Variants in IFT52 observed in about 807,000 individuals in gnomAD.
IFT52 encodes intraflagellar transport protein 52 homolog.
In IFT52, 44 loss-of-function variants were observed where a neutral mutation model predicts 54.4. The observed-to-expected ratio is 0.81, with a 90% CI of 0.63 to 1.04. The LOEUF (loss-of-function observed/expected upper bound fraction) is 1.04, where lower values mean the gene tolerates loss of function less well. Among genes scored for constraint, IFT52 ranks in the 50% least tolerant of loss-of-function variants. The pLI is 0.00. For missense variants in IFT52, 452 were observed against 523.6 expected (o/e 0.86, Z 1.33); for synonymous variants, 181 against 185.3 (o/e 0.98, Z 0.19).
chr20:43,594,466 A>G (rs1981773244), intron 1 of IFT52, among the ~76,000 whole-genome samples: 1 of 152,182 alleles, frequency 6.6e-6, no homozygotes, highest in Non-Finnish European at 1.5e-5. Flanking sequence ...GGCAAGAGGC[A>G]GAAAGCAAAA....
At chr20:43,635,377 G>A (rs6031006) in intron 10 of IFT52, among the ~76,000 whole-genome samples, 116,445 of 151,734 alleles carry the variant, frequency 0.77, 44,932 homozygotes, top group East Asian at 0.8. Context: ...TGTAACCTCC[G>A]CCTCTTTGGT....
At chr20:43,635,586 T>G (rs1985474078) in intron 10 of IFT52, among the ~76,000 whole-genome samples, 1 of 152,202 alleles carries the variant, frequency 6.6e-6, no homozygotes. Flanking sequence ...GGTGAGCCAC[T>G]GCGCCCAGCC....
intron 10 of IFT52, among the ~76,000 whole-genome samples, chr20:43,634,960 G>A (rs1425919917): frequency 6.6e-6 from 1 of 152,030 alleles, no homozygotes; most frequent in African/African-American, 2.4e-5. Flanking sequence ...CACGAGGTCA[G>A]GAGTTCAAGA....
chr20:43,605,891 C>A (rs1344164128), intron 6 of IFT52, among the ~76,000 whole-genome samples: 2 of 152,108 alleles, frequency 1.3e-5, no homozygotes, highest in Non-Finnish European at 2.9e-5. Context: ...TATTCTAGAG[C>A]CTGCACTCTT....
intron 12 of IFT52, among the ~76,000 whole-genome samples, chr20:43,641,077 A>G (rs1398950685): frequency 2.0e-5 from 3 of 151,432 alleles, no homozygotes; most frequent in Non-Finnish European, 4.4e-5. Flanking sequence ...TTACAGTATA[A>G]TGTGAGAAGG....
At chr20:43,608,186 G>A (rs1983127634) in intron 6 of IFT52, among the ~76,000 whole-genome samples, 1 of 152,120 alleles carries the variant, frequency 6.6e-6, no homozygotes. Context: ...GAGAGGGAGA[G>A]GGAGTGGGAG....
intron 9 of IFT52, among the ~76,000 whole-genome samples, chr20:43,622,712 T>TTTTTATGTAAATATAAATATATACATA (rs1984405715): frequency 7.0e-6 from 1 of 142,364 alleles, no homozygotes; most frequent in African/African-American, 2.7e-5. Flanking sequence ...TATATACATA[T>TTTTTATGTAAATATAAATATATACATA]TTTTATGTAA....
chr20:43,609,775 CAAAAAAAAA>C (rs57268776), intron 6 of IFT52, among the ~76,000 whole-genome samples: 2 of 47,198 alleles, frequency 4.2e-5, no homozygotes, highest in Non-Finnish European at 7.5e-5. Context: ...AACTCCGTCT[CAAAAAAAAA>C]AAAAAAAAAA....
chr20:43,594,444 T>G (rs915235060), intron 1 of IFT52, among the ~76,000 whole-genome samples: 2 of 152,058 alleles, frequency 1.3e-5, no homozygotes, highest in Non-Finnish European at 2.9e-5. Flanking sequence ...TGTAGGCTGT[T>G]GGGAGGATCT....
At chr20:43,621,503 C>G (rs1984301184) in intron 9 of IFT52, among the ~76,000 whole-genome samples, 1 of 152,094 alleles carries the variant, frequency 6.6e-6, no homozygotes, top group Admixed American at 6.6e-5. Context: ...GCTCTGTCGC[C>G]CAAGGCTGTA....
Position 43,603,193 on chromosome 20 carries a change from C to A in IFT52, c.208-567C>A, listed in dbSNP as rs1465794445. On this transcript the variant is annotated intron_variant, in intron 3 of 13. Transcript: ENST00000373030. ...CCCCAGCTTTGTGAAAATGAGAGAGCTTCCAGGAGATAAGCAGAAAACATG... is the reference window on the plus strand; with the variant it reads ...CCCCAGCTTTGTGAAAATGAGAGAGATTCCAGGAGATAAGCAGAAAACATG... Among the ~76,000 whole-genome samples the A allele has an allele frequency of 2.6e-5, 4 of 152,220 alleles. No individual in the cohort carries two copies. The East Asian group carries it at 7.7e-4, about 29-fold the overall frequency.
intron 9 of IFT52, among the ~76,000 whole-genome samples, chr20:43,621,501 G>A (rs1033899885): frequency 2.0e-5 from 3 of 151,972 alleles, no homozygotes; most frequent in Non-Finnish European, 2.9e-5. Context: ...TCGCTCTGTC[G>A]CCCAAGGCTG....
At chr20:43,604,309 C>G (rs1199630274) in intron 5 of IFT52, 51 bp downstream of exon 5, 4 of 1,341,178 alleles carry the variant, frequency 3.0e-6, no homozygotes, top group Admixed American at 3.4e-5. Flanking sequence ...TCGCTCACAC[C>G]TGTAATCCCA....
intron 13 of IFT52, among the ~76,000 whole-genome samples, chr20:43,645,593 A>G: frequency 1.9e-5 from 1 of 52,910 alleles, no homozygotes; most frequent in African/African-American, 5.5e-5. Context: ...TGGGCTGGGC[A>G]CAGTGGCTCA....
chr20:43,634,641 T>G (rs1321680911), intron 10 of IFT52, among the ~76,000 whole-genome samples: 2 of 142,280 alleles, frequency 1.4e-5, no homozygotes, highest in Non-Finnish European at 3.0e-5. Context: ...TTATGAGGTG[T>G]TTTTTTTTTT....
At chr20:43,643,173 A>AC (rs1335623027) in intron 13 of IFT52, among the ~76,000 whole-genome samples, 2 of 148,272 alleles carry the variant, frequency 1.3e-5, no homozygotes, top group Admixed American at 1.4e-4. Flanking sequence ...TCAAAAAAAA[A>AC]CAAAAAAACA....
At chr20:43,635,643 C>T (rs1004149127) in intron 10 of IFT52, among the ~76,000 whole-genome samples, 2 of 152,180 alleles carry the variant, frequency 1.3e-5, no homozygotes, top group African/African-American at 4.8e-5. Flanking sequence ...GTATGTACCA[C>T]ATTTTCTTTA....
intron 3 of IFT52, among the ~76,000 whole-genome samples, chr20:43,600,688 G>C (rs1982371478): frequency 6.6e-6 from 1 of 152,132 alleles, no homozygotes; most frequent in South Asian, 2.1e-4. Flanking sequence ...CATAGAATTT[G>C]AGCTGGGCGC....
chr20:43,624,966 TCTC>T (rs1395430285), intron 10 of IFT52, among the ~76,000 whole-genome samples: 1 of 152,030 alleles, frequency 6.6e-6, no homozygotes, highest in Admixed American at 6.6e-5. Flanking sequence ...ATGCTGCCAT[TCTC>T]CTTGTGCCTT....
Sources: allele counts gnomAD v4.1 joint callset (sites outside exome capture counted in the v4.1 genomes callset), GRCh38; gene constraint gnomAD v4.1.1; transcripts MANE v1.5; gene names NCBI Gene and HGNC (gene_info 2026-07-23, HGNC 2026-07-21).